The following BRINP1 variants were observed in gnomAD, a reference collection of about 807,000 sequenced individuals.
BRINP1 encodes BMP/retinoic acid-inducible neural-specific protein 1.
A neutral mutation model predicts 72.9 loss-of-function variants in BRINP1; 17 were observed. The observed-to-expected ratio is 0.23, with a 90% CI of 0.16 to 0.35. The LOEUF (loss-of-function observed/expected upper bound fraction) is 0.35. Among genes scored for constraint, BRINP1 ranks in the 10% least tolerant of loss-of-function variants. The pLI, the probability that BRINP1 is intolerant of heterozygous loss-of-function variation, is 1.00. For missense variants in BRINP1, 850 were observed against 1,001.6 expected (o/e 0.85, Z 2.04); for synonymous variants, 418 against 378.5 (o/e 1.10, Z -1.21).
At chr9:119,313,646 T>C (rs922049704) in intron 1 of BRINP1, among the ~76,000 whole-genome samples, 1 of 152,198 alleles carries the variant, frequency 6.6e-6, no homozygotes, top group Admixed American at 6.5e-5. Context: ...GTTCACATAT[T>C]GTCTGAACAT....
chr9:119,189,981 C>A (rs1485293136), intron 7 of BRINP1, among the ~76,000 whole-genome samples: 1 of 151,788 alleles, frequency 6.6e-6, no homozygotes, highest in Non-Finnish European at 1.5e-5. Flanking sequence ...TTATTTCCAA[C>A]CACAATGGTA....
chr9:119,255,799 C>CA (rs1184257265), intron 2 of BRINP1, among the ~76,000 whole-genome samples: 1 of 151,576 alleles, frequency 6.6e-6, no homozygotes, highest in African/African-American at 2.4e-5. Context: ...ACTACACATA[C>CA]AAAAAATTAG....
intron 1 of BRINP1, among the ~76,000 whole-genome samples, chr9:119,358,785 T>C (rs1564257305): frequency 6.6e-6 from 1 of 152,248 alleles, no homozygotes; most frequent in Non-Finnish European, 1.5e-5. Context: ...ATCCTATGTC[T>C]ATATCTGGTC....
intron 2 of BRINP1, among the ~76,000 whole-genome samples, chr9:119,305,235 T>C (rs987477758): frequency 2.0e-5 from 3 of 152,254 alleles, no homozygotes; most frequent in Admixed American, 6.5e-5. Flanking sequence ...TATTTTTATC[T>C]ATATTTCCAG....
At chr9:119,213,612 C>G in intron 6 of BRINP1, 2 of 551,440 alleles carry the variant, frequency 3.6e-6, no homozygotes, top group Non-Finnish European at 6.4e-6. Context: ...ATCAATACAA[C>G]TACCTCTGAC....
intron 2 of BRINP1, among the ~76,000 whole-genome samples, chr9:119,279,012 T>C (rs1830683330): frequency 6.6e-6 from 1 of 152,072 alleles, no homozygotes; most frequent in Non-Finnish European, 1.5e-5. Context: ...ACTTCCATTT[T>C]ATTGGTAAGA....
rs979257167 is a variant in BRINP1 at position 119,354,043 on chromosome 9, C to T, written c.-51+15013G>A. Among the ~76,000 whole-genome samples the T allele has an allele frequency of 1.8e-4, 27 of 151,802 alleles. 1 individual carries two copies. The highest frequency in any genetic ancestry group is 6.3e-4 in the African/African-American group (26 of 41,440). On this transcript the variant is annotated intron_variant, in intron 1 of 7. Transcript: ENST00000265922. ...GAGGTGAAACTTACATTAAACACCC[C>T]TTCTTACCATTGGGAAACTTCCCTT...
chr9:119,299,389 G>A (rs763026817), intron 2 of BRINP1, among the ~76,000 whole-genome samples: 4 of 152,080 alleles, frequency 2.6e-5, no homozygotes, highest in Non-Finnish European at 4.4e-5. Flanking sequence ...CGAGGCAGAC[G>A]GATCACCTGA....
chr9:119,355,367 T>C (rs1449179029), intron 1 of BRINP1, among the ~76,000 whole-genome samples: 1 of 152,228 alleles, frequency 6.6e-6, no homozygotes, highest in Non-Finnish European at 1.5e-5. Flanking sequence ...AAGTGCTTTG[T>C]ACATGCGACA....
intron 5 of BRINP1, among the ~76,000 whole-genome samples, chr9:119,219,836 AG>A (rs971663825): frequency 6.6e-6 from 1 of 152,084 alleles, no homozygotes; most frequent in African/African-American, 2.4e-5. Flanking sequence ...CCACTCTCCT[AG>A]GGGGTAGCAT....
intron 3 of BRINP1, among the ~76,000 whole-genome samples, chr9:119,245,492 A>T (rs1362546276): frequency 6.6e-6 from 1 of 152,146 alleles, no homozygotes; most frequent in East Asian, 1.9e-4. Context: ...GACTAAGGAA[A>T]ATTTCTATGC....
At chr9:119,351,557 T>G (rs1020154159) in intron 1 of BRINP1, among the ~76,000 whole-genome samples, 2 of 152,046 alleles carry the variant, frequency 1.3e-5, no homozygotes, top group African/African-American at 4.8e-5. Flanking sequence ...TGAGGGAAAG[T>G]TAGGACTGAA....
At chr9:119,362,487 T>C (rs1418441922) in intron 1 of BRINP1, among the ~76,000 whole-genome samples, 2 of 152,194 alleles carry the variant, frequency 1.3e-5, no homozygotes, top group Non-Finnish European at 2.9e-5. Flanking sequence ...TAATTATTTA[T>C]AGATTTGCAG....
At chr9:119,329,397 A>G (rs1161229433) in intron 1 of BRINP1, among the ~76,000 whole-genome samples, 2 of 152,198 alleles carry the variant, frequency 1.3e-5, no homozygotes, top group Non-Finnish European at 2.9e-5. Context: ...CTTTTAAATG[A>G]TGAACTAAAA....
intron 5 of BRINP1, among the ~76,000 whole-genome samples, chr9:119,215,874 A>G (rs377274866): frequency 6.6e-6 from 1 of 151,848 alleles, no homozygotes; most frequent in Non-Finnish European, 1.5e-5. Flanking sequence ...GGTGTGGTCA[A>G]AAACCTGGGC....
chr9:119,198,037 G>A (rs760390878), intron 7 of BRINP1, among the ~76,000 whole-genome samples: 10 of 152,112 alleles, frequency 6.6e-5, no homozygotes, highest in Non-Finnish European at 1.2e-4. Context: ...TGAATAAACC[G>A]AGGTTTGAAA....
chr9:119,304,282 C>G (rs989536265), intron 2 of BRINP1, among the ~76,000 whole-genome samples: 2 of 152,132 alleles, frequency 1.3e-5, no homozygotes, highest in Non-Finnish European at 2.9e-5. Context: ...GTTTAAGCAA[C>G]GTGCCTAAGA....
chr9:119,203,048 T>G (rs955900923), intron 7 of BRINP1, among the ~76,000 whole-genome samples: 1 of 152,090 alleles, frequency 6.6e-6, no homozygotes, highest in South Asian at 2.1e-4. Flanking sequence ...CTCAGCACAC[T>G]ACAGTATATA....
intron 3 of BRINP1, among the ~76,000 whole-genome samples, chr9:119,246,544 T>C (rs1412472506): frequency 6.6e-6 from 1 of 152,190 alleles, no homozygotes; most frequent in African/African-American, 2.4e-5. Flanking sequence ...TGTGAGTCAA[T>C]ATTCCTGAAT....
Sources: allele counts gnomAD v4.1 joint callset (sites outside exome capture counted in the v4.1 genomes callset), GRCh38; gene constraint gnomAD v4.1.1; transcripts MANE v1.5; gene names NCBI Gene and HGNC (gene_info 2026-07-23, HGNC 2026-07-21).